The following CTNNA3 variants were observed in gnomAD, a reference collection of about 807,000 sequenced individuals.
CTNNA3 encodes the protein catenin alpha 3.
A neutral mutation model predicts 95.7 loss-of-function variants in CTNNA3; 76 were observed. The ratio of observed to expected loss-of-function variants is 0.79; its 90% confidence interval spans 0.66 to 0.96. CTNNA3 has a LOEUF of 0.96. Ranked by LOEUF, CTNNA3 falls within the 40% of genes least tolerant of loss-of-function variation. CTNNA3 has a pLI of 0.00. For synonymous variants in CTNNA3, 431 were observed against 374.4 expected, an observed-to-expected ratio of 1.15 and a Z score of -1.74; for missense variants, 1,191 against 1,089.8, an observed-to-expected ratio of 1.09 and a Z score of -1.31.
At chr10:66,523,125 T>C (rs1467832199) in intron 10 of CTNNA3, among the ~76,000 whole-genome samples, 2 of 152,192 alleles carry the variant, frequency 1.3e-5, no homozygotes, top group Non-Finnish European at 2.9e-5. Context: ...TAGAGTTTTA[T>C]TAACCTATTA....
At chr10:66,916,306 G>T (rs537809191) in intron 7 of CTNNA3, among the ~76,000 whole-genome samples, 1 of 152,276 alleles carries the variant, frequency 6.6e-6, no homozygotes, top group Non-Finnish European at 1.5e-5. Context: ...GGGAAGCAGG[G>T]AGAGTAAATG....
intron 2 of CTNNA3, among the ~76,000 whole-genome samples, chr10:67,611,026 G>A (rs904149386): frequency 1.3e-5 from 2 of 152,098 alleles, no homozygotes; most frequent in Non-Finnish European, 2.9e-5. Flanking sequence ...TGGGAATGGT[G>A]CTAAATTAAA....
At chr10:66,781,818 G>A (rs901429553) in intron 7 of CTNNA3, among the ~76,000 whole-genome samples, 4 of 152,062 alleles carry the variant, frequency 2.6e-5, no homozygotes, top group Admixed American at 6.6e-5. Context: ...TACTTTACAC[G>A]TACTGTCTCA....
At chr10:66,717,804 G>A (rs1057322153) in intron 9 of CTNNA3, among the ~76,000 whole-genome samples, 1 of 152,160 alleles carries the variant, frequency 6.6e-6, no homozygotes, top group Non-Finnish European at 1.5e-5. Flanking sequence ...TAAGCCAGCA[G>A]GTGATTTCCT....
At chr10:67,646,858 TA>T (rs1162543149) in intron 2 of CTNNA3, among the ~76,000 whole-genome samples, 1 of 152,058 alleles carries the variant, frequency 6.6e-6, no homozygotes, top group East Asian at 1.9e-4. Context: ...ACTTACATAA[TA>T]AAAAAAGTCA....
chr10:67,518,933 CCTG>C (rs1362896430), intron 5 of CTNNA3, among the ~76,000 whole-genome samples: 2 of 152,124 alleles, frequency 1.3e-5, no homozygotes, highest in Non-Finnish European at 2.9e-5. Flanking sequence ...TCCGGTTAAT[CCTG>C]CTTTGTCATC....
At chr10:66,965,389 G>A (rs1925561) in intron 7 of CTNNA3, among the ~76,000 whole-genome samples, 1 of 151,864 alleles carries the variant, frequency 6.6e-6, no homozygotes, top group Admixed American at 6.6e-5. Flanking sequence ...ACAAAAATTA[G>A]CCGGGTGTGG....
intron 11 of CTNNA3, among the ~76,000 whole-genome samples, chr10:66,382,732 C>T (rs2092852210): frequency 2.6e-5 from 4 of 152,118 alleles, no homozygotes; most frequent in African/African-American, 9.7e-5. Flanking sequence ...GATGAAGCTT[C>T]CAGAGGAAGG....
chr10:66,632,729 T>A (rs1329770222), intron 9 of CTNNA3, among the ~76,000 whole-genome samples: 1 of 151,912 alleles, frequency 6.6e-6, no homozygotes, highest in Non-Finnish European at 1.5e-5. Flanking sequence ...AATATATTAC[T>A]ACATAAAAAA....
chr10:66,309,284 G>A (rs2091973177), intron 12 of CTNNA3, among the ~76,000 whole-genome samples: 1 of 152,098 alleles, frequency 6.6e-6, no homozygotes, highest in South Asian at 2.1e-4. Flanking sequence ...GTTTACCTCA[G>A]TGTTTGAAAT....
At chr10:67,741,932 G>T (rs925861739) in intron 1 of CTNNA3, among the ~76,000 whole-genome samples, 1 of 151,180 alleles carries the variant, frequency 6.6e-6, no homozygotes, top group Non-Finnish European at 1.5e-5. Flanking sequence ...ATGGTAAAGG[G>T]ATCAATTCAA....
At chr10:67,762,124 T>C (rs940266483) in intron 1 of CTNNA3, among the ~76,000 whole-genome samples, 1 of 134,980 alleles carries the variant, frequency 7.4e-6, no homozygotes, top group Non-Finnish European at 1.6e-5. Flanking sequence ...TTCACACTTT[T>C]GGGGGCGGGG....
At chr10:67,206,884 AC>A (rs1416109634) in intron 6 of CTNNA3, among the ~76,000 whole-genome samples, 1 of 152,114 alleles carries the variant, frequency 6.6e-6, no homozygotes, top group Non-Finnish European at 1.5e-5. Context: ...TAATCCCAGC[AC>A]TTTGGGAGGC....
At chr10:67,499,720 A>G (rs1486610615) in intron 5 of CTNNA3, among the ~76,000 whole-genome samples, 1 of 152,164 alleles carries the variant, frequency 6.6e-6, no homozygotes, top group Non-Finnish European at 1.5e-5. Flanking sequence ...TTATTTGTGT[A>G]GAGGGGTTTA....
chr10:67,658,938 T>C (rs963336044), intron 1 of CTNNA3, among the ~76,000 whole-genome samples: 20 of 152,150 alleles, frequency 1.3e-4, no homozygotes, highest in African/African-American at 3.6e-4. Context: ...ATTGATGTTT[T>C]TGAAAAATGA....
intron 7 of CTNNA3, among the ~76,000 whole-genome samples, chr10:66,833,156 T>G (rs987805223): frequency 2.0e-5 from 3 of 152,228 alleles, no homozygotes; most frequent in Non-Finnish European, 4.4e-5. Context: ...TGCTAGGTAG[T>G]CCTCTGAGGT....
intron 1 of CTNNA3, among the ~76,000 whole-genome samples, chr10:67,735,680 G>A (rs775694897): frequency 6.6e-5 from 10 of 152,066 alleles, no homozygotes; most frequent in South Asian, 4.2e-4. Flanking sequence ...TGTAGAAATC[G>A]AAACCCTCAT....
At chr10:66,822,342 A>G (rs896244610) in intron 7 of CTNNA3, among the ~76,000 whole-genome samples, 2 of 152,272 alleles carry the variant, frequency 1.3e-5, no homozygotes, top group Non-Finnish European at 2.9e-5. Flanking sequence ...ACGGGCCTTC[A>G]GAATCCTCAT....
chr10:67,236,522 G>C (rs1176501507), intron 5 of CTNNA3, among the ~76,000 whole-genome samples: 14 of 149,994 alleles, frequency 9.3e-5, no homozygotes, highest in South Asian at 2.1e-4. Context: ...GGGGTGGGGG[G>C]GGTGGGGAGG....
Sources: allele counts gnomAD v4.1 joint callset (sites outside exome capture counted in the v4.1 genomes callset), GRCh38; gene constraint gnomAD v4.1.1; transcripts MANE v1.5; gene names NCBI Gene and HGNC (gene_info 2026-07-23, HGNC 2026-07-21).